Variants in TMEM132B observed in about 807,000 individuals in gnomAD.
TMEM132B encodes the protein transmembrane protein 132B.
In TMEM132B, 18 loss-of-function variants were observed where a neutral mutation model predicts 90.8. The observed-to-expected ratio is 0.20, with a 90% CI of 0.14 to 0.29. The LOEUF (loss-of-function observed/expected upper bound fraction) is 0.29. Among genes scored for constraint, TMEM132B ranks in the 10% least tolerant of loss-of-function variants. TMEM132B has a pLI of 1.00. For synonymous variants in TMEM132B, 504 were observed against 523.3 expected, an observed-to-expected ratio of 0.96 and a Z score of 0.50; for missense variants, 1,096 against 1,326.8, an observed-to-expected ratio of 0.83 and a Z score of 2.70.
rs1879474877 is a variant in TMEM132B, at chr12:125,406,281, T to C, written c.960-9250T>C. 6.6e-6 allele frequency among the ~76,000 whole-genome samples: 1 copy of C among 152,240 alleles called. No individual in the cohort carries two copies. The highest frequency in any genetic ancestry group is 2.4e-5 in the African/African-American group (1 of 41,468). On this transcript the variant is annotated intron_variant, in intron 2 of 8. Coordinates refer to ENST00000682704, the MANE Select transcript of TMEM132B (RefSeq NM_001366854.1). This position sits in a 1 kb window ranked among gnomAD's most constrained non-coding sequence, Gnocchi z 8.3. ...TGCCTGTCTAGTGATGCTCATCAAG[T>C]TTCCTCATGTGGAAAATGGAAGCAG...
chr12:125,589,071 G>T (rs574264215), intron 5 of TMEM132B, among the ~76,000 whole-genome samples: 1 of 152,110 alleles, frequency 6.6e-6, no homozygotes, highest in African/African-American at 2.4e-5. Context: ...AGGTGAATGG[G>T]TATAGATATA....
chr12:125,311,990 G>A (rs981477885), intron 1 of TMEM132B, among the ~76,000 whole-genome samples: 22 of 152,292 alleles, frequency 1.4e-4, no homozygotes, highest in African/African-American at 4.8e-4. Context: ...CAATGAGCAC[G>A]CTCTCTCCAG....
chr12:125,248,270 A>G (rs187989919), intron 1 of TMEM132B, among the ~76,000 whole-genome samples: 121 of 152,344 alleles, frequency 7.9e-4, no homozygotes, highest in African/African-American at 2.7e-3. Context: ...TCAAGAAAAG[A>G]GAACCTCAGA....
At chr12:125,237,116 G>A (rs1873954462) in intron 1 of TMEM132B, among the ~76,000 whole-genome samples, 1 of 152,176 alleles carries the variant, frequency 6.6e-6, no homozygotes. Flanking sequence ...CAGAAGCATC[G>A]ACTTGCTGAC....
chr12:125,544,411 G>C (rs1162020905), intron 4 of TMEM132B, among the ~76,000 whole-genome samples: 1 of 152,174 alleles, frequency 6.6e-6, no homozygotes, highest in African/African-American at 2.4e-5. Context: ...TGCGTCCAGG[G>C]AGATGAAAGA....
At chr12:125,271,272 G>A (rs2136119726) in intron 1 of TMEM132B, among the ~76,000 whole-genome samples, 1 of 152,252 alleles carries the variant, frequency 6.6e-6, no homozygotes, top group South Asian at 2.1e-4. Flanking sequence ...CAGTGGCCAC[G>A]AGTTTGGCAA....
chr12:125,400,691 A>T (rs951020035), intron 2 of TMEM132B, among the ~76,000 whole-genome samples: 2 of 152,202 alleles, frequency 1.3e-5, no homozygotes, highest in African/African-American at 4.8e-5. Flanking sequence ...AGATGCAAGC[A>T]TCTCTGTCTT....
intron 3 of TMEM132B, among the ~76,000 whole-genome samples, chr12:125,494,608 C>A (rs1275775494): frequency 5.5e-5 from 5 of 90,578 alleles, no homozygotes; most frequent in South Asian, 4.3e-4. Flanking sequence ...CTGAAAATGG[C>A]CGCGTCCCTC....
rs550378213 is a variant in TMEM132B at position 125,659,294 on chromosome 12, T to C, written c.*4584T>C. ...TCAGAAAAAGATCTCCTGTTTCTCA[T>C]GGCCCCGTCCAGGGTCAAACCATGT... On this transcript the variant is annotated 3_prime_UTR_variant, in exon 9 of 9. Coordinates refer to ENST00000682704, the MANE Select transcript of TMEM132B (RefSeq NM_001366854.1). The C allele has an allele frequency of 1.3e-5, 2 of 152,362 alleles. No individual in the cohort carries two copies. The highest frequency in any genetic ancestry group is 2.1e-4 in the South Asian group (1 of 4,832). The allele number at this position is 152,362 out of a possible 1,614,324, so 9.4% of individuals were successfully genotyped here.
intron 5 of TMEM132B, among the ~76,000 whole-genome samples, chr12:125,638,902 T>G (rs548276164): frequency 1.3e-5 from 2 of 152,332 alleles, no homozygotes; most frequent in East Asian, 3.9e-4. Context: ...GTAAAAATAT[T>G]AACCTCTAAA....
At chr12:125,364,712 T>C (rs1291522459) in intron 2 of TMEM132B, among the ~76,000 whole-genome samples, 1 of 152,150 alleles carries the variant, frequency 6.6e-6, no homozygotes, top group Non-Finnish European at 1.5e-5. Flanking sequence ...ATTGTACAGA[T>C]CTTGCACATC....
chr12:125,389,463 C>T (rs1878946040), intron 2 of TMEM132B, among the ~76,000 whole-genome samples: 1 of 151,890 alleles, frequency 6.6e-6, no homozygotes, highest in African/African-American at 2.4e-5. Context: ...TGCTCTCTAG[C>T]CCTAGAGCCA....
intron 1 of TMEM132B, among the ~76,000 whole-genome samples, chr12:125,191,792 G>A (rs938211365): frequency 6.6e-6 from 1 of 151,738 alleles, no homozygotes; most frequent in Non-Finnish European, 1.5e-5. Context: ...TTGGCAGGCC[G>A]AATTTTGGTC....
intron 4 of TMEM132B, among the ~76,000 whole-genome samples, chr12:125,534,131 T>C (rs184341359): frequency 3.2e-4 from 48 of 152,318 alleles, no homozygotes; most frequent in African/African-American, 1.1e-3. Flanking sequence ...TCCTTCCTTT[T>C]ACTTACATTT....
chr12:125,648,169 T>C (rs557447435), intron 6 of TMEM132B, among the ~76,000 whole-genome samples: 13 of 151,692 alleles, frequency 8.6e-5, no homozygotes, highest in African/African-American at 3.1e-4. Context: ...TTTTTTATTC[T>C]TGCGATAGTT....
chr12:125,334,927 C>A (rs771643204), intron 1 of TMEM132B, among the ~76,000 whole-genome samples: 1 of 152,202 alleles, frequency 6.6e-6, no homozygotes, highest in South Asian at 2.1e-4. Flanking sequence ...TCTGAGCGTG[C>A]GGCCCTGGAA....
chr12:125,368,166 T>C (rs1878187887), intron 2 of TMEM132B, among the ~76,000 whole-genome samples: 1 of 152,178 alleles, frequency 6.6e-6, no homozygotes, highest in Non-Finnish European at 1.5e-5. Context: ...TTGATATCTA[T>C]ATATGTTTTG....
chr12:125,575,176 C>G (rs528330027), intron 4 of TMEM132B, among the ~76,000 whole-genome samples: 1 of 148,360 alleles, frequency 6.7e-6, no homozygotes, highest in Non-Finnish European at 1.5e-5. Context: ...CAATTTTACA[C>G]CCCACAGACA....
In TMEM132B at chr12:125,432,393, A is replaced by G. The variant is rs867553468; in HGVS notation, c.1106+16716A>G. Reference sequence around the variant, plus strand: ...TATATATATATATATATATATATATATATATGTATGTATGTGTATATATAT... The same window carrying G: ...TATATATATATATATATATATATATGTATATGTATGTATGTGTATATATAT... On this transcript the variant is annotated intron_variant, in intron 3 of 8. Coordinates refer to ENST00000682704, the MANE Select transcript of TMEM132B (RefSeq NM_001366854.1). Among the ~76,000 whole-genome samples, 61 of 87,562 alleles carry G rather than the reference A, an allele frequency of 7.0e-4. 13 individuals carry two copies. The highest frequency in any genetic ancestry group is 1.9e-3 in the Admixed American group (14 of 7,450). The allele number at this position is 87,562 out of a possible 152,430, so 57.4% of individuals were successfully genotyped here.
Sources: allele counts gnomAD v4.1 joint callset (sites outside exome capture counted in the v4.1 genomes callset), GRCh38; gene constraint gnomAD v4.1.1; non-coding constraint Gnocchi (gnomAD v3.1); transcripts MANE v1.5; gene names NCBI Gene and HGNC (gene_info 2026-07-23, HGNC 2026-07-21).